Variants in VRK1 observed in about 807,000 individuals in gnomAD.
VRK1 encodes the protein VRK serine/threonine kinase 1.
Under a neutral mutation model 57.1 loss-of-function variants are expected in VRK1, and 33 were observed. The observed-to-expected ratio is 0.58, with a 90% CI of 0.44 to 0.77. The LOEUF (loss-of-function observed/expected upper bound fraction) is 0.77. Among genes scored for constraint, VRK1 ranks in the 30% least tolerant of loss-of-function variants. VRK1 has a pLI of 0.00. For synonymous variants in VRK1, 137 were observed against 147.8 expected (o/e 0.93, Z 0.53); for missense variants, 413 against 477.3 (o/e 0.87, Z 1.25).
intron 3 of VRK1, among the ~76,000 whole-genome samples, chr14:96,838,155 AT>A (rs1887296618): frequency 6.6e-6 from 1 of 152,046 alleles, no homozygotes; most frequent in Non-Finnish European, 1.5e-5. Context: ...GACTATACTA[AT>A]TTAATATAAT....
At chr14:96,863,795 A>G (rs1219534512) in intron 11 of VRK1, among the ~76,000 whole-genome samples, 1 of 152,172 alleles carries the variant, frequency 6.6e-6, no homozygotes, top group Non-Finnish European at 1.5e-5. Flanking sequence ...ACCATTGTTA[A>G]ATAAACCCTT....
intron 2 of VRK1, 52 bp from the exon 3 acceptor site, chr14:96,837,710 A>G (rs987101123): frequency 2.6e-6 from 3 of 1,160,668 alleles, no homozygotes; most frequent in Non-Finnish European, 3.6e-6. Flanking sequence ...AAATATTAAT[A>G]TATTTATAAT....
chr14:96,844,157 TC>T (rs1887579541), intron 3 of VRK1, among the ~76,000 whole-genome samples: 1 of 152,228 alleles, frequency 6.6e-6, no homozygotes, highest in Non-Finnish European at 1.5e-5. Context: ...ATTCTGTGAT[TC>T]CTACCAAAGA....
At chr14:96,853,235 CT>C in intron 7 of VRK1, 69 bp downstream of exon 7, 1 of 1,374,950 alleles carries the variant, frequency 7.3e-7, no homozygotes, top group Middle Eastern at 1.8e-4. Context: ...TTGCTTTGAA[CT>C]TTTGAACCTG....
chr14:96,878,929 C>CT (rs1008239997), intron 12 of VRK1, among the ~76,000 whole-genome samples: 1 of 152,188 alleles, frequency 6.6e-6, no homozygotes, highest in East Asian at 1.9e-4. Context: ...GGCTGGTGTA[C>CT]TTTCCCCCCT....
chr14:96,835,290 A>G (rs1887170113), intron 2 of VRK1, among the ~76,000 whole-genome samples: 1 of 152,144 alleles, frequency 6.6e-6, no homozygotes, highest in South Asian at 2.1e-4. Context: ...GTAGCATTTG[A>G]TACTGTTTAT....
At chr14:96,823,464 CCT>C (rs1886680663) in intron 1 of VRK1, among the ~76,000 whole-genome samples, 1 of 152,108 alleles carries the variant, frequency 6.6e-6, no homozygotes, top group African/African-American at 2.4e-5. Flanking sequence ...ATAAGAATAA[CCT>C]CTGAAAAAAA....
intron 5 of VRK1, among the ~76,000 whole-genome samples, chr14:96,852,030 A>G (rs1309222182): frequency 6.6e-6 from 1 of 152,224 alleles, no homozygotes; most frequent in East Asian, 1.9e-4. Flanking sequence ...ACTATTGAAG[A>G]TAAAAGTGGT....
intron 12 of VRK1, among the ~76,000 whole-genome samples, chr14:96,880,881 A>T (rs376022424): frequency 6.6e-6 from 1 of 152,202 alleles, no homozygotes; most frequent in Non-Finnish European, 1.5e-5. Flanking sequence ...TTGGAGAGAA[A>T]TATTTCAGTA....
intron 5 of VRK1, among the ~76,000 whole-genome samples, chr14:96,849,061 G>T (rs1369212584): frequency 6.6e-6 from 1 of 152,164 alleles, no homozygotes; most frequent in Non-Finnish European, 1.5e-5. Flanking sequence ...CTTGGAGAAG[G>T]AGTCGGTGGC....
chr14:96,827,084 G>A (rs1886824366), intron 1 of VRK1, among the ~76,000 whole-genome samples: 1 of 151,962 alleles, frequency 6.6e-6, no homozygotes, highest in African/African-American at 2.4e-5. Flanking sequence ...TGGGAGAACA[G>A]GAATAGGTGT....
In VRK1 at chr14:96,839,760, A is replaced by G. The variant is rs1399740781; in HGVS notation, c.216+1943A>G. Among the ~76,000 whole-genome samples, 7 of 151,830 alleles carry G rather than the reference A, an allele frequency of 4.6e-5. No individual in the cohort carries two copies. The East Asian group carries it at 9.7e-4, about 21-fold the overall frequency. ...GAATAGTAAGAGAGTTTTTTTCTGG[A>G]TGCAAGTCCTTTTTCAGATACGTGT... On this transcript the variant is annotated intron_variant, in intron 3 of 12. Coordinates refer to ENST00000216639, the MANE Select transcript of VRK1 (RefSeq NM_003384.3).
intron 10 of VRK1, among the ~76,000 whole-genome samples, chr14:96,857,070 A>G (rs1388496080): frequency 6.6e-6 from 1 of 152,206 alleles, no homozygotes; most frequent in East Asian, 1.9e-4. Flanking sequence ...TTCATACATT[A>G]AGTTAGTAAA....
intron 10 of VRK1, among the ~76,000 whole-genome samples, chr14:96,857,889 T>C (rs1014584741): frequency 2.0e-5 from 3 of 152,216 alleles, no homozygotes; most frequent in Admixed American, 6.5e-5. Flanking sequence ...CTTACCTTAA[T>C]TTCCAACACC....
chr14:96,874,247 A>G (rs993966192), intron 11 of VRK1, among the ~76,000 whole-genome samples: 4 of 152,188 alleles, frequency 2.6e-5, no homozygotes, highest in African/African-American at 7.2e-5. Flanking sequence ...ATGCATCACA[A>G]ATCTGCTGAC....
At chr14:96,805,879 T>A (rs1316372842) in intron 1 of VRK1, among the ~76,000 whole-genome samples, 1 of 152,242 alleles carries the variant, frequency 6.6e-6, no homozygotes, top group Non-Finnish European at 1.5e-5. Flanking sequence ...TTATTCTGAT[T>A]CTTTTCTACT....
rs577363550 is a variant in VRK1, at chr14:96,871,610, T to A, written c.1069-4420T>A. ...TTTCTCTTTTGCTTTAACTATTTTA[T>A]AGTGTCTATTTTTCAGCTTGAAAAT... On this transcript the variant is annotated intron_variant, in intron 11 of 12. Coordinates refer to ENST00000216639, the MANE Select transcript of VRK1 (RefSeq NM_003384.3). 1.1e-4 allele frequency among the ~76,000 whole-genome samples: 17 copies of A among 152,332 alleles called. No homozygotes were observed. In the South Asian group the frequency reaches 3.3e-3, roughly 30 times the overall value.
chr14:96,800,541 A>G (rs545924301), intron 1 of VRK1, among the ~76,000 whole-genome samples: 1 of 152,294 alleles, frequency 6.6e-6, no homozygotes, highest in Non-Finnish European at 1.5e-5. Context: ...CTCTACTTTT[A>G]CCAACATTCT....
intron 1 of VRK1, among the ~76,000 whole-genome samples, chr14:96,803,562 A>G (rs1029038117): frequency 1.3e-5 from 2 of 152,180 alleles, no homozygotes; most frequent in Non-Finnish European, 2.9e-5. Context: ...AAGTATGTCT[A>G]TCTAATGTAT....
Sources: allele counts gnomAD v4.1 joint callset (sites outside exome capture counted in the v4.1 genomes callset), GRCh38; gene constraint gnomAD v4.1.1; transcripts MANE v1.5; gene names NCBI Gene and HGNC (gene_info 2026-07-23, HGNC 2026-07-21).